Variants in NKAIN3 observed in about 807,000 individuals in gnomAD.
The protein encoded by NKAIN3 is sodium/potassium transporting ATPase interacting 3.
NKAIN3 carries 25 observed loss-of-function variants against 30.2 expected under a neutral mutation model. That is an observed-to-expected ratio of 0.83 (90% confidence interval 0.60 to 1.16). NKAIN3 has a LOEUF of 1.16. Among genes scored for constraint, NKAIN3 ranks in the 50% most tolerant of loss-of-function variants. NKAIN3 has a pLI of 0.00. For synonymous variants in NKAIN3, 91 were observed against 89.6 expected (o/e 1.02, Z -0.09); for missense variants, 225 against 254.1 (o/e 0.89, Z 0.78).
intron 4 of NKAIN3, chr8:62,856,322 C>T: frequency 2.2e-6 from 2 of 927,716 alleles, no homozygotes; most frequent in Non-Finnish European, 3.6e-6. Flanking sequence ...CTTTGATGAG[C>T]TTCAGCTTTA....
At chr8:62,714,394 CT>C (rs1185913208) in intron 3 of NKAIN3, among the ~76,000 whole-genome samples, 1 of 151,588 alleles carries the variant, frequency 6.6e-6, no homozygotes, top group African/African-American at 2.4e-5. Flanking sequence ...TTTATTTGAT[CT>C]TTTATATCAT....
intron 1 of NKAIN3, among the ~76,000 whole-genome samples, chr8:62,339,074 G>T (rs182711363): frequency 2.6e-5 from 4 of 152,124 alleles, no homozygotes; most frequent in African/African-American, 7.2e-5. Context: ...TAAAGAATAA[G>T]AAGGAGATGC....
chr8:62,506,476 C>CTTTCTTTCTTTT (rs71559373), intron 1 of NKAIN3, among the ~76,000 whole-genome samples: 35,271 of 98,286 alleles, frequency 0.36, 7,955 homozygotes, highest in Non-Finnish European at 0.46. Context: ...TTCTTTCTTT[C>CTTTCTTTCTTTT]TTTTTTTTTT....
intron 1 of NKAIN3, among the ~76,000 whole-genome samples, chr8:62,469,308 A>T (rs964302984): frequency 1.3e-5 from 2 of 152,210 alleles, no homozygotes; most frequent in African/African-American, 4.8e-5. Context: ...GGATTATCTC[A>T]TCCTTAAAAA....
intron 1 of NKAIN3, 24 bp downstream of exon 1, chr8:62,249,151 C>G: frequency 1.3e-6 from 2 of 1,522,670 alleles, no homozygotes; most frequent in Non-Finnish European, 1.8e-6. Flanking sequence ...GGGCCCCTGC[C>G]CCAGGACAGG....
intron 1 of NKAIN3, among the ~76,000 whole-genome samples, chr8:62,311,875 G>A (rs999382224): frequency 6.7e-6 from 1 of 150,310 alleles, no homozygotes; most frequent in Non-Finnish European, 1.5e-5. Context: ...AAAGTAAAAG[G>A]CTAACTCTCA....
At chr8:62,346,591 A>AC (rs1816014153) in intron 1 of NKAIN3, among the ~76,000 whole-genome samples, 1 of 152,108 alleles carries the variant, frequency 6.6e-6, no homozygotes, top group Non-Finnish European at 1.5e-5. Context: ...GAAGGGGCTG[A>AC]CTGGCCCTCC....
At chr8:62,356,932 G>A (rs542286608) in intron 1 of NKAIN3, among the ~76,000 whole-genome samples, 1 of 152,148 alleles carries the variant, frequency 6.6e-6, no homozygotes, top group East Asian at 1.9e-4. Flanking sequence ...AGGCAACATG[G>A]CGAAACCATC....
intron 6 of NKAIN3, among the ~76,000 whole-genome samples, chr8:62,961,228 C>T (rs1213475277): frequency 4.0e-5 from 6 of 151,488 alleles, no homozygotes; most frequent in Non-Finnish European, 7.4e-5. Flanking sequence ...TTCAGTGAGC[C>T]GAGATAGTGC....
chr8:62,702,988 AG>A, intron 3 of NKAIN3, among the ~76,000 whole-genome samples: 1 of 152,346 alleles, frequency 6.6e-6, no homozygotes, highest in Non-Finnish European at 1.5e-5. Flanking sequence ...TCAAATTGTC[AG>A]CATTAATGAT....
At position 62,638,276 on chromosome 8, in the gene NKAIN3, A is replaced by G. The variant is rs149192019; in HGVS notation, c.273+48482A>G. 2.1e-3 allele frequency among the ~76,000 whole-genome samples: 319 copies of G among 152,214 alleles called. 3 individuals carry two copies. The highest frequency in any genetic ancestry group is 7.3e-3 in the African/African-American group (303 of 41,552). On this transcript the variant is annotated intron_variant, in intron 3 of 6. Coordinates refer to ENST00000623646, the MANE Select transcript of NKAIN3 (RefSeq NM_001304533.3). ...CTCCACTGTTTTTCTCACACTTGTC[A>G]TTTTGAAAAAAACACTTTCTCCATT...
chr8:62,450,288 T>C (rs924646070), intron 1 of NKAIN3, among the ~76,000 whole-genome samples: 1 of 152,112 alleles, frequency 6.6e-6, no homozygotes, highest in African/African-American at 2.4e-5. Flanking sequence ...ATAGGATCCC[T>C]TGTTAAGGGA....
chr8:62,921,595 T>C (rs949050318), intron 5 of NKAIN3, among the ~76,000 whole-genome samples: 22 of 152,158 alleles, frequency 1.4e-4, no homozygotes, highest in African/African-American at 5.3e-4. Context: ...GACAATGAAA[T>C]AAAAAGCTCA....
intron 1 of NKAIN3, among the ~76,000 whole-genome samples, chr8:62,408,158 G>A (rs1804133040): frequency 6.6e-6 from 1 of 151,936 alleles, no homozygotes; most frequent in African/African-American, 2.4e-5. Flanking sequence ...TTCCTTTTAT[G>A]TAATAAACTT....
intron 1 of NKAIN3, among the ~76,000 whole-genome samples, chr8:62,463,282 A>G (rs1335722232): frequency 6.6e-6 from 1 of 152,244 alleles, no homozygotes; most frequent in Non-Finnish European, 1.5e-5. Context: ...TCTTAGGCAC[A>G]GTGGAATGCT....
chr8:62,539,268 A>T (rs956186361), intron 1 of NKAIN3, among the ~76,000 whole-genome samples: 2 of 152,384 alleles, frequency 1.3e-5, no homozygotes, highest in Non-Finnish European at 1.5e-5. Flanking sequence ...ATAACTCAGT[A>T]GAAATGATTT....
intron 3 of NKAIN3, among the ~76,000 whole-genome samples, chr8:62,640,399 C>T (rs1812273696): frequency 1.3e-5 from 2 of 152,120 alleles, no homozygotes; most frequent in Non-Finnish European, 2.9e-5. Flanking sequence ...GTGTCTTCCC[C>T]TTCTGCCATG....
intron 5 of NKAIN3, among the ~76,000 whole-genome samples, chr8:62,934,400 A>G (rs1208623836): frequency 6.6e-6 from 1 of 152,052 alleles, no homozygotes; most frequent in Non-Finnish European, 1.5e-5. Flanking sequence ...AATGCAGACT[A>G]AAGTAAGAAA....
chr8:62,917,627 G>A (rs891422278), intron 4 of NKAIN3, among the ~76,000 whole-genome samples: 19 of 152,166 alleles, frequency 1.2e-4, no homozygotes, highest in Admixed American at 1.1e-3. Context: ...TTTTATAATG[G>A]GGTTAAAGGG....
Sources: gnomAD v4.1 joint callset for allele counts (sites outside exome capture counted in the v4.1 genomes callset) on GRCh38, gnomAD v4.1.1 for gene constraint, MANE v1.5 for transcripts, NCBI Gene and HGNC (gene_info 2026-07-23, HGNC 2026-07-21) for gene names.